MSRB3: variants seen among roughly 807,000 people sequenced by gnomAD.
The protein encoded by MSRB3 is methionine-R-sulfoxide reductase B3.
MSRB3 carries 13 observed loss-of-function variants against 21.0 expected under a neutral mutation model. That is an observed-to-expected ratio of 0.62 (90% CI 0.40 to 0.98). The LOEUF is 0.98. MSRB3 is among the 50% of genes least tolerant of loss of function. The pLI is 0.00. For missense variants in MSRB3, 199 were observed against 230.3 expected (o/e 0.86, Z 0.88); for synonymous variants, 87 against 88.6 (o/e 0.98, Z 0.10).
intron 4 of MSRB3, among the ~76,000 whole-genome samples, chr12:65,337,722 G>T (rs1295398417): frequency 1.3e-5 from 2 of 151,556 alleles, no homozygotes; most frequent in Admixed American, 6.6e-5. Flanking sequence ...AACTAAGTCG[G>T]TATAACTGGC....
At chr12:65,382,423 T>C (rs1020027491) in intron 5 of MSRB3, among the ~76,000 whole-genome samples, 3 of 152,038 alleles carry the variant, frequency 2.0e-5, no homozygotes, top group Non-Finnish European at 4.4e-5. Flanking sequence ...TGTTGTTATA[T>C]AGTAATAGTA....
intron 4 of MSRB3, among the ~76,000 whole-genome samples, chr12:65,349,802 G>T (rs1278815127): frequency 6.6e-6 from 1 of 151,630 alleles, no homozygotes; most frequent in Non-Finnish European, 1.5e-5. Flanking sequence ...GTAGATTCTG[G>T]ATATTAGCCC....
intron 1 of MSRB3, among the ~76,000 whole-genome samples, chr12:65,291,833 T>G (rs1250926078): frequency 6.6e-5 from 10 of 152,204 alleles, no homozygotes. Context: ...ATGAGGAGTT[T>G]AGATAGTGTT....
chr12:65,418,591 G>A, intron 5 of MSRB3: 1 of 566,684 alleles, frequency 1.8e-6, no homozygotes, highest in South Asian at 2.3e-5. Flanking sequence ...GCTTTTCCCT[G>A]TTTTGTTCTC....
chr12:65,456,891 G>A (rs954996246), intron 6 of MSRB3, among the ~76,000 whole-genome samples: 10 of 152,104 alleles, frequency 6.6e-5, no homozygotes, highest in South Asian at 2.1e-4. Flanking sequence ...CAAAAACAGC[G>A]TACTGAATTC....
intron 6 of MSRB3, chr12:65,454,028 A>G (rs1303472397): frequency 1.5e-6 from 1 of 669,704 alleles, no homozygotes; most frequent in Non-Finnish European, 2.7e-6. Context: ...TCAAGCCTGT[A>G]ATCCCATACT....
At chr12:65,330,943 C>T (rs1025721485) in intron 4 of MSRB3, among the ~76,000 whole-genome samples, 3 of 152,030 alleles carry the variant, frequency 2.0e-5, no homozygotes, top group African/African-American at 4.8e-5. Flanking sequence ...TGAACAAAAA[C>T]GAAATAATTG....
chr12:65,383,206 A>G (rs894177777), intron 5 of MSRB3, among the ~76,000 whole-genome samples: 1 of 152,186 alleles, frequency 6.6e-6, no homozygotes, highest in African/African-American at 2.4e-5. Flanking sequence ...CCCGTGCTCA[A>G]TTTCACAAAT....
At position 65,358,144 on chromosome 12, in the gene MSRB3, G is replaced by T. The variant is rs561814139; in HGVS notation, c.264-10854G>T. On this transcript the variant is annotated intron_variant, in intron 4 of 6. Transcript: ENST00000308259. ...TTATTTTTCATTTTTTAGAGGCAGG[G>T]TATTACTCTGTCACTCAGACTAGAG... Among the ~76,000 whole-genome samples, 14 of 151,580 alleles carry T rather than the reference G, an allele frequency of 9.2e-5. No homozygotes were observed. In the East Asian group the frequency reaches 2.3e-3, roughly 25 times the overall value.
In MSRB3 at chr12:65,325,640, C is replaced by T. The variant is rs181244838; in HGVS notation, c.77-1186C>T. Among the ~76,000 whole-genome samples, 34 of 152,144 alleles carry T rather than the reference C, an allele frequency of 2.2e-4. No individual in the cohort carries two copies. In the East Asian group the frequency reaches 5.6e-3, roughly 25 times the overall value. ...TTAGGTACCTTGAACGTAAAAAAAA[C>T]GGGAAGCATTTCCACTCCTAATCAT... On this transcript the variant is annotated intron_variant, in intron 2 of 6. Coordinates refer to ENST00000308259, the MANE Select transcript of MSRB3 (RefSeq NM_001031679.3).
At chr12:65,360,552 C>T (rs1472062905) in intron 4 of MSRB3, among the ~76,000 whole-genome samples, 1 of 152,098 alleles carries the variant, frequency 6.6e-6, no homozygotes. Flanking sequence ...TTGAGTTCTA[C>T]AGATGCACCT....
intron 5 of MSRB3, among the ~76,000 whole-genome samples, chr12:65,404,822 A>T (rs1389257396): frequency 6.6e-6 from 1 of 152,142 alleles, no homozygotes; most frequent in Admixed American, 6.6e-5. Context: ...GTTATTAATT[A>T]TTGTCTTCAT....
At position 65,322,806 on chromosome 12, in the gene MSRB3, T is replaced by G. The variant is rs535651378; in HGVS notation, c.77-4020T>G. Among the ~76,000 whole-genome samples, 50 of 152,322 alleles carry G rather than the reference T, an allele frequency of 3.3e-4. No individual in the cohort carries two copies. The South Asian group carries it at 0.01, about 32-fold the overall frequency. ...TATAACCTCTCCACGCCTCAGTTTC[T>G]GTATCTGTAAAATGGGCATGACAGC... is the stretch of plus-strand genomic sequence containing the variant. On this transcript the variant is annotated intron_variant, in intron 2 of 6. Transcript: ENST00000308259.
chr12:65,398,319 G>C (rs577538381), intron 5 of MSRB3, among the ~76,000 whole-genome samples: 197 of 152,204 alleles, frequency 1.3e-3, no homozygotes, highest in Middle Eastern at 6.8e-3. Flanking sequence ...GTGTGAGATG[G>C]TATCTCATTG....
chr12:65,367,727 C>T (rs1327880062), intron 4 of MSRB3, among the ~76,000 whole-genome samples: 2 of 151,976 alleles, frequency 1.3e-5, no homozygotes, highest in African/African-American at 2.4e-5. Flanking sequence ...TGGGTTTGTA[C>T]CTGAAATAGA....
chr12:65,301,259 G>T (rs1327991374), intron 1 of MSRB3, among the ~76,000 whole-genome samples: 1 of 152,020 alleles, frequency 6.6e-6, no homozygotes, highest in African/African-American at 2.4e-5. Flanking sequence ...ATACGAAAAT[G>T]CCTTGTAAAT....
intron 4 of MSRB3, among the ~76,000 whole-genome samples, chr12:65,349,476 AT>A (rs1431628546): frequency 1.3e-5 from 2 of 151,604 alleles, no homozygotes; most frequent in Non-Finnish European, 2.9e-5. Context: ...TCCCTGAGGA[AT>A]CGCCACACTG....
intron 5 of MSRB3, among the ~76,000 whole-genome samples, chr12:65,451,774 T>C (rs918317478): frequency 2.0e-5 from 3 of 152,258 alleles, no homozygotes; most frequent in Non-Finnish European, 4.4e-5. Context: ...ATGATTTTAT[T>C]CTCTCTCTTT....
At chr12:65,460,525 T>G (rs1883278973) in intron 6 of MSRB3, among the ~76,000 whole-genome samples, 1 of 152,174 alleles carries the variant, frequency 6.6e-6, no homozygotes, top group Non-Finnish European at 1.5e-5. Context: ...ATGAACACCT[T>G]TCTATGTTTT....
Sources: gnomAD v4.1 joint callset for allele counts (sites outside exome capture counted in the v4.1 genomes callset) on GRCh38, gnomAD v4.1.1 for gene constraint, MANE v1.5 for transcripts, NCBI Gene and HGNC (gene_info 2026-07-23, HGNC 2026-07-21) for gene names.